The following FHOD3 variants were observed in gnomAD, a reference collection of about 807,000 sequenced individuals.
The protein encoded by FHOD3 is formin homology 2 domain containing 3.
In FHOD3, 90 loss-of-function variants were observed where a neutral mutation model predicts 173.0. The observed-to-expected ratio is 0.52, with a 90% CI of 0.44 to 0.62. The LOEUF (loss-of-function observed/expected upper bound fraction) is 0.62. Ranked by LOEUF, FHOD3 falls within the 20% of genes least tolerant of loss-of-function variation. The probability of loss-of-function intolerance (pLI) is 0.00; values close to 1 mark genes in which losing one functional copy is unlikely to be tolerated. For synonymous variants in FHOD3, 828 were observed against 823.0 expected (o/e 1.01, Z -0.10); for missense variants, 1,945 against 2,034.7 (o/e 0.96, Z 0.85).
At chr18:36,402,605 C>T (rs556715999) in intron 3 of FHOD3, among the ~76,000 whole-genome samples, 7 of 151,768 alleles carry the variant, frequency 4.6e-5, no homozygotes, top group Admixed American at 1.3e-4. Context: ...TAGCAACTGT[C>T]GGGCCAGGAC....
intron 14 of FHOD3, among the ~76,000 whole-genome samples, chr18:36,662,872 A>G (rs557561426): frequency 7.2e-5 from 11 of 152,268 alleles, no homozygotes; most frequent in East Asian, 1.9e-4. Context: ...TCTTTCCTCA[A>G]TCCCCTGGTA....
Position 36,596,827 on chromosome 18 carries a change from C to G in FHOD3, c.718+1929C>G, listed in dbSNP as rs181041517. On this transcript the variant is annotated intron_variant, in intron 7 of 28. Transcript: ENST00000590592. ...CCCTCTGCTGCTAGGTAGAAAGACC[C>G]TTATGGCCAAGAGTAGATCATGGGG... 2.0e-4 allele frequency among the ~76,000 whole-genome samples: 30 copies of G among 152,224 alleles called. No individual in the cohort carries two copies. The East Asian group carries it at 4.5e-3, about 23-fold the overall frequency.
intron 5 of FHOD3, among the ~76,000 whole-genome samples, chr18:36,561,860 C>T (rs547639965): frequency 2.5e-4 from 38 of 152,222 alleles, no homozygotes; most frequent in Non-Finnish European, 4.9e-4. Context: ...CCATAAAATA[C>T]ACAAAACCAA....
chr18:36,664,912 G>A (rs957221458), intron 14 of FHOD3, among the ~76,000 whole-genome samples: 4 of 152,042 alleles, frequency 2.6e-5, no homozygotes, highest in African/African-American at 7.2e-5. Flanking sequence ...TGAGGTGGAA[G>A]GATTGCTTGA....
chr18:36,632,937 A>G (rs2034618968), intron 10 of FHOD3, among the ~76,000 whole-genome samples: 1 of 152,228 alleles, frequency 6.6e-6, no homozygotes, highest in Non-Finnish European at 1.5e-5. Context: ...AAGAGGGCCA[A>G]GCAGATGCCT....
intron 10 of FHOD3, among the ~76,000 whole-genome samples, chr18:36,638,780 G>A (rs1565977): frequency 0.016 from 2,455 of 152,218 alleles, 67 homozygotes; most frequent in African/African-American, 0.055. Flanking sequence ...GGCAGGAAGC[G>A]TTGAGGCATG....
intron 15 of FHOD3, among the ~76,000 whole-genome samples, chr18:36,683,564 T>C (rs1436749954): frequency 6.6e-6 from 1 of 152,212 alleles, no homozygotes; most frequent in Non-Finnish European, 1.5e-5. Context: ...CCTTCACTAT[T>C]ACTTGGCATG....
intron 1 of FHOD3, among the ~76,000 whole-genome samples, chr18:36,306,426 G>C (rs932414873): frequency 6.6e-6 from 1 of 152,170 alleles, no homozygotes; most frequent in Non-Finnish European, 1.5e-5. Flanking sequence ...CTTCCTGCTT[G>C]CCTTAGAACA....
chr18:36,523,795 A>G (rs1348291135), intron 5 of FHOD3, among the ~76,000 whole-genome samples: 1 of 152,182 alleles, frequency 6.6e-6, no homozygotes, highest in Non-Finnish European at 1.5e-5. Context: ...AAATATAAAA[A>G]GCAGAAGGGA....
At chr18:36,457,510 G>A (rs1599200037) in intron 3 of FHOD3, among the ~76,000 whole-genome samples, 1 of 152,112 alleles carries the variant, frequency 6.6e-6, no homozygotes, top group African/African-American at 2.4e-5. Context: ...TACGAAGGGT[G>A]TCTGAATCCA....
At chr18:36,565,138 A>G (rs1406261482) in intron 5 of FHOD3, among the ~76,000 whole-genome samples, 1 of 152,232 alleles carries the variant, frequency 6.6e-6, no homozygotes, top group African/African-American at 2.4e-5. Flanking sequence ...CTAGACTCCA[A>G]GGTCTTCATT....
chr18:36,767,334 A>G (rs927958180), intron 27 of FHOD3, among the ~76,000 whole-genome samples: 6 of 152,118 alleles, frequency 3.9e-5, no homozygotes, highest in African/African-American at 1.4e-4. Flanking sequence ...ATCAGTAATA[A>G]CGGAAATCAG....
At chr18:36,446,735 G>T in intron 3 of FHOD3, among the ~76,000 whole-genome samples, 1 of 152,020 alleles carries the variant, frequency 6.6e-6, no homozygotes, top group East Asian at 1.9e-4. Flanking sequence ...ACCCCCACCT[G>T]CCCCCAGTGC....
intron 5 of FHOD3, among the ~76,000 whole-genome samples, chr18:36,568,293 GCACCAGC>G: frequency 8.3e-6 from 1 of 121,004 alleles, no homozygotes; most frequent in African/African-American, 3.2e-5. Flanking sequence ...AACTGAGATG[GCACCAGC>G]CTGGGCGACA....
chr18:36,502,842 T>C (rs1477884665), intron 4 of FHOD3, among the ~76,000 whole-genome samples: 1 of 152,212 alleles, frequency 6.6e-6, no homozygotes, highest in African/African-American at 2.4e-5. Context: ...GATATTCTTT[T>C]GTATGAACTG....
At chr18:36,713,344 G>T (rs1600371370) in intron 18 of FHOD3, among the ~76,000 whole-genome samples, 1 of 152,196 alleles carries the variant, frequency 6.6e-6, no homozygotes, top group South Asian at 2.1e-4. Flanking sequence ...GAAGCTAACG[G>T]TATCAAAATG....
In FHOD3 at chr18:36,339,940, C is replaced by T. The variant is rs535202050; in HGVS notation, c.166-15599C>T. Among the ~76,000 whole-genome samples the T allele has an allele frequency of 3.3e-5, 5 of 152,226 alleles. No individual in the cohort carries two copies. In the South Asian group the frequency reaches 1.0e-3, roughly 32 times the overall value. ...TGGTCTGAGTGACCCTATGCATAAA[C>T]CCTGTTCTTATTGGATCTACTTTAT... On this transcript the variant is annotated intron_variant, in intron 1 of 28. Transcript: ENST00000590592.
In FHOD3 at chr18:36,709,160, G is replaced by C; in HGVS notation, c.2302G>C (p.Val768Leu). The C allele has an allele frequency of 6.2e-7, 1 of 1,614,166 alleles. No individual in the cohort carries two copies. Among genetic ancestry groups the C allele is most frequent in the Middle Eastern group, 1.6e-4 (1 of 6,062 alleles). ...GGAAGCAGAGGCAGGGGCGGGGCAG[G>C]TTGCTGATGAAGCTGGCCAGGACAT... ...EPEAEAGAGQ[V>L]ADEAGQDIAS... Residue 768 changes from valine (V) to leucine (L), a missense_variant, in exon 18 of 29, where the codon GTT (valine) becomes CTT (leucine). Physicochemically the swap from Val to Leu is conservative, Grantham distance 32. Coordinates refer to ENST00000590592, the MANE Select transcript of FHOD3 (RefSeq NM_001281740.3).
intron 14 of FHOD3, among the ~76,000 whole-genome samples, chr18:36,659,346 A>G (rs554228763): frequency 6.6e-6 from 1 of 152,290 alleles, no homozygotes; most frequent in African/African-American, 2.4e-5. Flanking sequence ...AGGTCTTGAT[A>G]ATAAGGTAAC....
Sources: gnomAD v4.1 joint callset for allele counts (sites outside exome capture counted in the v4.1 genomes callset) on GRCh38, gnomAD v4.1.1 for gene constraint, MANE v1.5 for transcripts, NCBI Gene and HGNC (gene_info 2026-07-23, HGNC 2026-07-21) for gene names.